Variants in GLB1 observed in about 807,000 individuals in gnomAD.
The protein encoded by GLB1 is beta-galactosidase.
A neutral mutation model predicts 74.0 loss-of-function variants in GLB1; 56 were observed. The observed-to-expected ratio is 0.76, with a 90% CI of 0.61 to 0.94. The LOEUF is 0.94. Among genes scored for constraint, GLB1 ranks in the 40% least tolerant of loss-of-function variants. The pLI, the probability that GLB1 is intolerant of heterozygous loss-of-function variation, is 0.00. For synonymous variants in GLB1, 323 were observed against 323.6 expected (o/e 1.00, Z 0.02); for missense variants, 787 against 845.5 (o/e 0.93, Z 0.86).
At chr3:33,033,642 G>A (rs544909632) in intron 10 of GLB1, among the ~76,000 whole-genome samples, 3 of 152,148 alleles carry the variant, frequency 2.0e-5, no homozygotes, top group Non-Finnish European at 2.9e-5. Flanking sequence ...TTAGCTAGGT[G>A]TGGTGGCGTG....
the GLB1 span, among the ~76,000 whole-genome samples, chr3:32,986,973 C>A: frequency 1.3e-5 from 2 of 152,212 alleles, no homozygotes; most frequent in Admixed American, 1.3e-4. Flanking sequence ...AGTTTAGAGA[C>A]CGACAGCAGA....
intron 1 of GLB1, among the ~76,000 whole-genome samples, chr3:33,083,853 T>A (rs1023772616): frequency 1.3e-5 from 2 of 152,148 alleles, no homozygotes; most frequent in Non-Finnish European, 2.9e-5. Context: ...TTAAAAAAAA[T>A]TAAACATAAC....
At chr3:32,994,430 TAGAG>T (rs548551442), downstream of GLB1, among the ~76,000 whole-genome samples, 1 of 152,178 alleles carries the variant, frequency 6.6e-6, no homozygotes. Flanking sequence ...GTAGCATCCA[TAGAG>T]AGAGTTGCAT....
At chr3:33,003,663 T>A (rs1696668931) in intron 15 of GLB1, among the ~76,000 whole-genome samples, 1 of 152,184 alleles carries the variant, frequency 6.6e-6, no homozygotes, top group Non-Finnish European at 1.5e-5. Flanking sequence ...AGGATGAAAG[T>A]AGGGTCCAAT....
chr3:33,066,992 GTTTTT>G (rs1699708465), intron 4 of GLB1, among the ~76,000 whole-genome samples: 1 of 134,328 alleles, frequency 7.4e-6, no homozygotes, highest in African/African-American at 2.6e-5. Context: ...CTGTCATTTT[GTTTTT>G]ATTTCTTTTT....
chr3:32,971,684 C>T, the GLB1 span, among the ~76,000 whole-genome samples: 1 of 152,222 alleles, frequency 6.6e-6, no homozygotes, highest in South Asian at 2.1e-4. Flanking sequence ...GGAGAAACAA[C>T]CTGCCTAGGG....
intron 3 of GLB1, 31 bp downstream of exon 3, chr3:33,068,789 A>G: frequency 3.1e-6 from 5 of 1,612,936 alleles, no homozygotes; most frequent in Non-Finnish European, 4.2e-6. Flanking sequence ...GCTCACACAC[A>G]CCAGGTAGAG....
chr3:33,034,246 C>T, intron 10 of GLB1: 1 of 673,942 alleles, frequency 1.5e-6, no homozygotes, highest in South Asian at 1.6e-5. Context: ...CAGATGGGGC[C>T]ATCTTCCTGC....
intron 15 of GLB1, among the ~76,000 whole-genome samples, chr3:33,010,299 A>T (rs546560665): frequency 6.6e-6 from 1 of 152,296 alleles, no homozygotes; most frequent in East Asian, 1.9e-4. Flanking sequence ...GTGAAGTAGT[A>T]TTTCATTTTG....
chr3:33,021,784 A>G (rs953344776), intron 11 of GLB1, 129 bp from the exon 12 acceptor site: 4 of 1,035,522 alleles, frequency 3.9e-6, no homozygotes, highest in South Asian at 1.4e-5. Context: ...AAATCATTCA[A>G]ATTCCACTCA....
chr3:33,071,153 G>C lies in GLB1; in HGVS notation c.245+1391C>G, dbSNP rs116927113. On this transcript the variant is annotated intron_variant, in intron 2 of 15. Coordinates refer to ENST00000307363, the MANE Select transcript of GLB1 (RefSeq NM_000404.4). ...CACAAAGCTCTCTTTGAAGACCCTG[G>C]GTTGTGTCATTTTGCGTGTGTGTGA... 2.2e-3 allele frequency among the ~76,000 whole-genome samples: 341 copies of C among 152,274 alleles called. 7 individuals carry two copies. In the South Asian group the frequency reaches 0.041, roughly 18 times the overall value.
At chr3:32,985,159 T>TTCTTACTA in the GLB1 span, among the ~76,000 whole-genome samples, 1 of 152,008 alleles carries the variant, frequency 6.6e-6, no homozygotes, top group Non-Finnish European at 1.5e-5. Context: ...ATTTATCTCT[T>TTCTTACTA]TCTTACTATT....
At position 33,014,196 on chromosome 3, in the gene GLB1, T is replaced by C. The variant is rs73826339; in HGVS notation, c.1594A>G (p.Ser532Gly). 0.055 allele frequency: 88,789 copies of C among 1,614,094 alleles called. 2,703 individuals carry two copies. The highest frequency in any genetic ancestry group is 0.071 in the Middle Eastern group (428 of 6,062). ...SHLGGWGHRDSGHHDEAWAHN... is the reference protein window; with the variant it reads ...SHLGGWGHRDGGHHDEAWAHN... ...GCCCAGGCTTCATCATGGTGGCCACTGTCACGGTGTCCCCAGCCCCCCAGG... is the reference window on the plus strand; with the variant it reads ...GCCCAGGCTTCATCATGGTGGCCACCGTCACGGTGTCCCCAGCCCCCCAGG... The change falls in exon 15 of 16, where the codon AGT becomes GGT. Residue 532 changes from serine (S) to glycine (G), a missense_variant. Transcript: ENST00000307363.
At chr3:33,073,768 A>G (rs986896888) in intron 1 of GLB1, among the ~76,000 whole-genome samples, 4 of 152,038 alleles carry the variant, frequency 2.6e-5, no homozygotes, top group Admixed American at 2.0e-4. Flanking sequence ...TAGCACTTTG[A>G]GAGGCCAAGG....
At chr3:32,998,471 T>C (rs1051050117) in intron 15 of GLB1, among the ~76,000 whole-genome samples, 2 of 150,260 alleles carry the variant, frequency 1.3e-5, no homozygotes, top group Non-Finnish European at 2.9e-5. Context: ...ATTGCGCCAC[T>C]GCACTCTAGC....
intron 15 of GLB1, among the ~76,000 whole-genome samples, chr3:33,010,327 C>A (rs1696969762): frequency 6.6e-6 from 1 of 152,084 alleles, no homozygotes; most frequent in Non-Finnish European, 1.5e-5. Context: ...CTTGCATTTC[C>A]CAAATGATTA....
rs201755284 is a variant in GLB1 at position 32,997,246 on chromosome 3, C to G, written c.1833G>C (p.Ser611=). The G allele has an allele frequency of 1.2e-6, 2 of 1,614,120 alleles. No individual in the cohort carries two copies. Among genetic ancestry groups the G allele is most frequent in the Non-Finnish European group, 1.7e-6 (2 of 1,180,016 alleles). Reference sequence around the variant, plus strand: ...CCAGCACGGTGATGGTGTTTGGGGCCGAGGTCATCAGGATGTGCTGGGGCA... The same window carrying G: ...CCAGCACGGTGATGGTGTTTGGGGCGGAGGTCATCAGGATGTGCTGGGGCA... The part of the protein sequence containing the change: ...LFVPQHILMT[S]APNTITVLEL... Residue 611 remains serine, a synonymous_variant, in exon 16 of 16, where the codon TCG becomes TCC. Coordinates refer to ENST00000307363, the MANE Select transcript of GLB1 (RefSeq NM_000404.4).
intron 10 of GLB1, among the ~76,000 whole-genome samples, chr3:33,039,657 C>G (rs1412228446): frequency 1.3e-5 from 2 of 152,158 alleles, no homozygotes; most frequent in Non-Finnish European, 2.9e-5. Flanking sequence ...ACACACATAT[C>G]ACTGGTGTTC....
chr3:33,023,035 A>G (rs530087010), intron 11 of GLB1, among the ~76,000 whole-genome samples: 1 of 152,350 alleles, frequency 6.6e-6, no homozygotes, highest in South Asian at 2.1e-4. Flanking sequence ...TGTGTTCTAC[A>G]TAAACTTAAT....
Sources: allele counts gnomAD v4.1 joint callset (sites outside exome capture counted in the v4.1 genomes callset), GRCh38; gene constraint gnomAD v4.1.1; transcripts MANE v1.5; gene names NCBI Gene and HGNC (gene_info 2026-07-23, HGNC 2026-07-21).